KIAA1614: variants seen among roughly 807,000 people sequenced by gnomAD.
KIAA1614 encodes the protein uncharacterized protein KIAA1614.
In KIAA1614, 76 loss-of-function variants were observed where a neutral mutation model predicts 88.7. The observed-to-expected ratio is 0.86, with a 90% CI of 0.71 to 1.04. KIAA1614 has a LOEUF of 1.04. Ranked by LOEUF, KIAA1614 falls within the 50% of genes least tolerant of loss-of-function variation. KIAA1614 has a pLI of 0.00. For synonymous variants in KIAA1614, 714 were observed against 675.5 expected (o/e 1.06, Z -0.88); for missense variants, 1,553 against 1,582.5 (o/e 0.98, Z 0.32).
At chr1:180,942,269 G>A (rs1403538933) in intron 7 of KIAA1614, among the ~76,000 whole-genome samples, 1 of 152,240 alleles carries the variant, frequency 6.6e-6, no homozygotes, top group African/African-American at 2.4e-5. Flanking sequence ...GAGTGGGTGG[G>A]ACGCGCAGGG....
Position 180,935,567 on chromosome 1 carries a change from C to A in KIAA1614, c.1658C>A (p.Ala553Glu). The stretch of plus-strand genomic sequence containing the variant: ...GACCCGCGCCCCGCCCAGGGGAAGG[C>A]GCCCCCCGTCCCCAGGACCCTCCAG... Reference protein sequence around the residue: ...IDDPRPAQGKAPPVPRTLQEL... With the variant: ...IDDPRPAQGKEPPVPRTLQEL... The change falls in exon 5 of 9, where the codon GCG (alanine) becomes GAG (glutamate). Residue 553 changes from alanine (A) to glutamate (E), a missense_variant. By Grantham distance (107) the Ala-to-Glu change is moderately radical. Coordinates refer to ENST00000367588, the MANE Select transcript of KIAA1614 (RefSeq NM_020950.2). The surrounding 1 kb of genome is among the most constrained non-coding windows in gnomAD (Gnocchi z 6.1). The A allele has an allele frequency of 6.2e-7, 1 of 1,602,114 alleles. No homozygotes were observed. The highest frequency in any genetic ancestry group is 8.5e-7 in the Non-Finnish European group (1 of 1,174,616).
At chr1:180,939,567 T>A (rs1654410037) in intron 6 of KIAA1614, among the ~76,000 whole-genome samples, 1 of 152,186 alleles carries the variant, frequency 6.6e-6, no homozygotes, top group Non-Finnish European at 1.5e-5. Context: ...CCACTTCTCC[T>A]GGCCTGAACT....
chr1:180,918,945 C>T lies in KIAA1614; in HGVS notation c.1061+1031C>T, dbSNP rs778647653. Among the ~76,000 whole-genome samples the T allele has an allele frequency of 3.9e-5, 6 of 152,300 alleles. No individual in the cohort carries two copies. In the South Asian group the frequency reaches 8.3e-4, roughly 21 times the overall value. Reference sequence around the variant, plus strand: ...GATTCAGCATCTGGTGAGGGCTGCTCTTGGTTGATTCATAGATGGTGCCTT... The same window carrying T: ...GATTCAGCATCTGGTGAGGGCTGCTTTTGGTTGATTCATAGATGGTGCCTT... On this transcript the variant is annotated intron_variant, in intron 3 of 8. Coordinates refer to ENST00000367588, the MANE Select transcript of KIAA1614 (RefSeq NM_020950.2).
In KIAA1614 at chr1:180,935,720, G is replaced by C. The variant is rs1558070176; in HGVS notation, c.1811G>C (p.Cys604Ser). Reference sequence around the variant, plus strand: ...GAAACACACATCGGAGACACCGTGTGCCCTGCGGAGGTGGACTCTGCCCTG... The same window carrying C: ...GAAACACACATCGGAGACACCGTGTCCCCTGCGGAGGTGGACTCTGCCCTG... ...IRETHIGDTV[C>S]PAEVDSALDS... Residue 604 changes from cysteine to serine, a missense_variant, in exon 5 of 9, where the codon TGC (cysteine) becomes TCC (serine). By Grantham distance (112) the Cys-to-Ser change is moderately radical. Transcript: ENST00000367588. The surrounding 1 kb of genome is among the most constrained non-coding windows in gnomAD (Gnocchi z 6.1). 1 of 1,613,814 alleles carries C rather than the reference G, an allele frequency of 6.2e-7. No individual in the cohort carries two copies. The highest frequency in any genetic ancestry group is 2.2e-5 in the East Asian group (1 of 44,870).
chr1:180,918,270 C>T (rs74133669), intron 3 of KIAA1614, among the ~76,000 whole-genome samples: 2,029 of 152,244 alleles, frequency 0.013, 38 homozygotes, highest in African/African-American at 0.045. Context: ...ATTGTGAGGC[C>T]GAAGTGAGAT....
At chr1:180,938,468 C>G (rs1654379503) in intron 5 of KIAA1614, 87 bp from the exon 6 acceptor site, 1 of 1,433,142 alleles carries the variant, frequency 7.0e-7, no homozygotes, top group Non-Finnish European at 9.6e-7. Context: ...TTCTCACCCT[C>G]CCCCTGTTGC....
At chr1:180,928,130 A>G (rs1261791857) in intron 3 of KIAA1614, 1 of 289,120 alleles carries the variant, frequency 3.5e-6, no homozygotes, top group East Asian at 5.9e-5. Context: ...TAATCTGGAG[A>G]CTCTCCTACC....
chr1:180,917,862 G>A lies in KIAA1614; in HGVS notation c.1009G>A (p.Gly337Arg). The A allele has an allele frequency of 6.2e-7, 1 of 1,613,930 alleles. No individual in the cohort carries two copies. The highest frequency in any genetic ancestry group is 8.5e-7 in the Non-Finnish European group (1 of 1,179,930). Residue 337 changes from glycine (G) to arginine (R), a missense_variant, in exon 3 of 9, where the codon GGG becomes AGG. Gly to Arg is a moderately radical substitution (Grantham distance 125). Coordinates refer to ENST00000367588, the MANE Select transcript of KIAA1614 (RefSeq NM_020950.2). ...GTTCTGGATCCTAGAGCGACCAGTG[G>A]GGGATGTGGACTGGGCCTCGGGCAC... ...WDTAAPERPV[G>R]DVDWASGTSL...
intron 7 of KIAA1614, 134 bp downstream of exon 7, chr1:180,941,419 G>A: frequency 1.8e-6 from 2 of 1,104,486 alleles, no homozygotes; most frequent in Non-Finnish European, 2.6e-6. Context: ...GGAAGCTGCT[G>A]GCATCCCCAT....
Position 180,913,181 on chromosome 1 carries a change from C to T in KIAA1614, c.-63C>T, listed in dbSNP as rs1025518944. On this transcript the variant is annotated 5_prime_UTR_variant, in exon 1 of 9. Coordinates refer to ENST00000367588, the MANE Select transcript of KIAA1614 (RefSeq NM_020950.2). The stretch of plus-strand genomic sequence containing the variant: ...CCGGATTCGGGGCTGGAAGTCCCTC[C>T]CCGAACCCAGCAGCTGGCCTGGGAG... 1.2e-5 allele frequency: 14 copies of T among 1,206,560 alleles called. No homozygotes were observed. Among genetic ancestry groups the T allele is most frequent in the Non-Finnish European group, 1.3e-5 (12 of 952,120 alleles). 74.7% of individuals were successfully genotyped at this position (1,206,560 alleles called of 1,614,324 possible).
At chr1:180,940,282 C>T (rs1194241587) in intron 6 of KIAA1614, among the ~76,000 whole-genome samples, 1 of 152,214 alleles carries the variant, frequency 6.6e-6, no homozygotes, top group Non-Finnish European at 1.5e-5. Context: ...AGGTGGATCA[C>T]TTGAGGTCAG....
In KIAA1614 at chr1:180,935,733, G is replaced by A. The variant is rs368738392; in HGVS notation, c.1824G>A (p.Val608=). The change falls in exon 5 of 9, where the codon GTG becomes GTA. Residue 608 remains valine, a synonymous_variant. Transcript: ENST00000367588. This position sits in a 1 kb window ranked among gnomAD's most constrained non-coding sequence, Gnocchi z 6.1. ...HIGDTVCPAE[V]DSALDSTDNS... is the part of the protein sequence containing the mutation. ...GAGACACCGTGTGCCCTGCGGAGGTGGACTCTGCCCTGGACAGCACAGACA... is the reference window on the plus strand; with the variant it reads ...GAGACACCGTGTGCCCTGCGGAGGTAGACTCTGCCCTGGACAGCACAGACA... The A allele has an allele frequency of 1.4e-5, 22 of 1,613,704 alleles. No individual in the cohort carries two copies. The African/African-American group carries it at 2.7e-4, about 20-fold the overall frequency.
chr1:180,950,650 T>A lies in KIAA1614; in HGVS notation c.*5062T>A, dbSNP rs1654711010. On this transcript the variant is annotated 3_prime_UTR_variant, in exon 9 of 9. Coordinates refer to ENST00000367588, the MANE Select transcript of KIAA1614 (RefSeq NM_020950.2). ...GTGGCGGAAACAGATCCTGGCAGCATCTAACCCCTTGGGCTGTGGCAGGGC... is the reference window on the plus strand; with the variant it reads ...GTGGCGGAAACAGATCCTGGCAGCAACTAACCCCTTGGGCTGTGGCAGGGC... 1 of 435,098 alleles carries A rather than the reference T, an allele frequency of 2.3e-6. No individual in the cohort carries two copies. The highest frequency in any genetic ancestry group is 2.2e-5 in the African/African-American group (1 of 46,434). The allele number at this position is 435,098 out of a possible 1,614,324, so 27.0% of individuals were successfully genotyped here. A position where few individuals can be genotyped will look rare whatever the true frequency, so the allele number is the denominator to read the frequency against.
rs1653689338 is a variant in KIAA1614, at chr1:180,913,085, C to T, written c.-159C>T. On this transcript the variant is annotated 5_prime_UTR_variant, in exon 1 of 9. Transcript: ENST00000367588. The stretch of plus-strand genomic sequence containing the variant: ...GCAGAGCCGGGAGCTGGCCCGGCCT[C>T]GGCGCCGTCCCGGACCCCCAGTCGG... 2 of 425,546 alleles carry T rather than the reference C, an allele frequency of 4.7e-6. No homozygotes were observed. Among genetic ancestry groups the T allele is most frequent in the Non-Finnish European group, 7.6e-6 (2 of 262,630 alleles). The allele number at this position is 425,546 out of a possible 1,614,324, so 26.4% of individuals were successfully genotyped here.
In KIAA1614 at chr1:180,916,300, C is replaced by T. The variant is rs200657202; in HGVS notation, c.197C>T (p.Ala66Val). 1.2e-5 allele frequency: 19 copies of T among 1,610,996 alleles called. No homozygotes were observed. Among genetic ancestry groups the T allele is most frequent in the South Asian group, 1.1e-5 (1 of 90,924 alleles). ...PQENRTSSLM[A>V]PQPPRVWGVQ... ...GAAAACAGAACATCCAGCCTGATGG[C>T]CCCCCAGCCTCCCAGGGTATGGGGA... The change falls in exon 2 of 9, where the codon GCC becomes GTC. Residue 66 changes from alanine (A) to valine (V), a missense_variant. By Grantham distance (64) the Ala-to-Val change is moderately conservative. Transcript: ENST00000367588.
chr1:180,923,134 C>T (rs1476781141), intron 3 of KIAA1614, among the ~76,000 whole-genome samples: 1 of 152,242 alleles, frequency 6.6e-6, no homozygotes, highest in Non-Finnish European at 1.5e-5. Context: ...ACAAGCCCAG[C>T]TGTCCTGAAG....
chr1:180,927,849 G>A (rs1336387465), intron 3 of KIAA1614, among the ~76,000 whole-genome samples: 1 of 152,150 alleles, frequency 6.6e-6, no homozygotes, highest in Non-Finnish European at 1.5e-5. Context: ...TGATGGTTTT[G>A]GATTGGGACT....
At chr1:180,942,889 AAGAC>A (rs1204147665) in intron 7 of KIAA1614, among the ~76,000 whole-genome samples, 3 of 152,208 alleles carry the variant, frequency 2.0e-5, no homozygotes, top group Admixed American at 6.5e-5. Context: ...GAACTGAAAA[AAGAC>A]AGAAATTTTC....
At chr1:180,920,861 T>C (rs1202839371) in intron 3 of KIAA1614, among the ~76,000 whole-genome samples, 2 of 152,072 alleles carry the variant, frequency 1.3e-5, no homozygotes, top group Non-Finnish European at 2.9e-5. Context: ...CCCCACTTAA[T>C]GAGGGGCAAG....
Sources: gnomAD v4.1 joint callset for allele counts (sites outside exome capture counted in the v4.1 genomes callset) on GRCh38, gnomAD v4.1.1 for gene constraint, Gnocchi (gnomAD v3.1) non-coding constraint, MANE v1.5 for transcripts, NCBI Gene and HGNC (gene_info 2026-07-23, HGNC 2026-07-21) for gene names.